Variants in CDH6 observed in about 807,000 individuals in gnomAD.
CDH6 encodes the protein cadherin 6.
A neutral mutation model predicts 78.0 loss-of-function variants in CDH6; 31 were observed. The observed-to-expected ratio is 0.40, with a 90% CI of 0.30 to 0.54. CDH6 has a LOEUF of 0.54. CDH6 is among the 20% of genes least tolerant of loss of function. The pLI, the probability that CDH6 is intolerant of heterozygous loss-of-function variation, is 0.56. For missense variants in CDH6, 724 were observed against 975.9 expected (o/e 0.74, Z 3.44); for synonymous variants, 376 against 368.8 (o/e 1.02, Z -0.23).
intron 1 of CDH6, among the ~76,000 whole-genome samples, chr5:31,247,312 T>A (rs950102901): frequency 6.6e-5 from 10 of 152,180 alleles, no homozygotes; most frequent in Admixed American, 2.6e-4. Flanking sequence ...CACTCCTCAG[T>A]TTAGAGGAGA....
chr5:31,230,406 A>C (rs1332793947), intron 1 of CDH6, among the ~76,000 whole-genome samples: 1 of 152,168 alleles, frequency 6.6e-6, no homozygotes, highest in Non-Finnish European at 1.5e-5. Context: ...CTTACTAGAA[A>C]AAGAGTCTCT....
intron 1 of CDH6, among the ~76,000 whole-genome samples, chr5:31,216,776 A>G (rs1740875497): frequency 6.6e-6 from 1 of 152,032 alleles, no homozygotes; most frequent in South Asian, 2.1e-4. Flanking sequence ...CATGAAAACC[A>G]AATAATAAAT....
intron 1 of CDH6, among the ~76,000 whole-genome samples, chr5:31,201,275 C>G (rs1184848298): frequency 6.6e-6 from 1 of 152,102 alleles, no homozygotes; most frequent in Non-Finnish European, 1.5e-5. Context: ...AATATTTTCC[C>G]TCAAAATATT....
At chr5:31,247,926 C>A (rs1741801595) in intron 1 of CDH6, among the ~76,000 whole-genome samples, 1 of 152,112 alleles carries the variant, frequency 6.6e-6, no homozygotes, top group South Asian at 2.1e-4. Flanking sequence ...GGCTCAACAA[C>A]CAAGAGCTGT....
At chr5:31,267,975 T>C (rs1158562764) in intron 2 of CDH6, among the ~76,000 whole-genome samples, 1 of 152,220 alleles carries the variant, frequency 6.6e-6, no homozygotes, top group African/African-American at 2.4e-5. Flanking sequence ...TAATTTTTAC[T>C]GTAGCTTAAA....
At chr5:31,199,318 G>C (rs1740256208) in intron 1 of CDH6, among the ~76,000 whole-genome samples, 1 of 149,850 alleles carries the variant, frequency 6.7e-6, no homozygotes, top group South Asian at 2.1e-4. Context: ...GAAAAGAGTT[G>C]ATAATATATG....
intron 1 of CDH6, among the ~76,000 whole-genome samples, chr5:31,232,634 A>G (rs1741344827): frequency 6.6e-6 from 1 of 152,260 alleles, no homozygotes; most frequent in Non-Finnish European, 1.5e-5. Flanking sequence ...AGTTCAAACA[A>G]GTTTGCAAAG....
chr5:31,305,695 T>A (rs925998371), intron 7 of CDH6, among the ~76,000 whole-genome samples: 1 of 152,162 alleles, frequency 6.6e-6, no homozygotes, highest in African/African-American at 2.4e-5. Context: ...GGAAGTTCCT[T>A]ATAGGAAATG....
intron 1 of CDH6, among the ~76,000 whole-genome samples, chr5:31,204,616 T>C (rs1029265640): frequency 4.9e-4 from 75 of 152,204 alleles, no homozygotes; most frequent in African/African-American, 1.5e-3. Context: ...TATGTTTGCT[T>C]CCCAATTTCT....
At chr5:31,200,721 G>C (rs961693001) in intron 1 of CDH6, among the ~76,000 whole-genome samples, 1 of 151,706 alleles carries the variant, frequency 6.6e-6, no homozygotes, top group African/African-American at 2.4e-5. Context: ...AGAGGAGTGA[G>C]GGAGAGAGGG....
In CDH6 at chr5:31,294,099, C is replaced by T. The variant is rs142005895; in HGVS notation, c.366C>T (p.Pro122=). The T allele has an allele frequency of 1.2e-5, 20 of 1,613,776 alleles. No homozygotes were observed. The highest frequency in any genetic ancestry group is 1.6e-4 in the Middle Eastern group (1 of 6,062). The change falls in exon 3 of 12, where the codon CCC becomes CCT. Residue 122 remains proline (P), a synonymous_variant. Transcript: ENST00000265071. This position sits in a 1 kb window ranked among gnomAD's most constrained non-coding sequence, Gnocchi z 4.1. ...AGAGGCTGGACAGGGAAGAAAAACC[C>T]GTTTACATCCTTCGAGCTCAAGCTA... is the stretch of plus-strand genomic sequence containing the variant. ...ATKRLDREEK[P]VYILRAQAIN...
chr5:31,261,976 C>T lies in CDH6; in HGVS notation c.-128-5370C>T, dbSNP rs563998665. ...GCGAATAAAAGTTGATTCCAAAGTA[C>T]ACTAGGGAACTTGAGGACATGCTAG... On this transcript the variant is annotated intron_variant, in intron 1 of 11. Transcript: ENST00000265071. Among the ~76,000 whole-genome samples the T allele has an allele frequency of 2.0e-5, 3 of 152,244 alleles. No individual in the cohort carries two copies. In the South Asian group the frequency reaches 6.2e-4, roughly 32 times the overall value.
chr5:31,290,366 G>T (rs1402010608), intron 2 of CDH6, among the ~76,000 whole-genome samples: 1 of 152,200 alleles, frequency 6.6e-6, no homozygotes, highest in East Asian at 1.9e-4. Context: ...TCTTACCAGC[G>T]ACAGGTGAGA....
chr5:31,219,118 G>T (rs1734954458), intron 1 of CDH6, among the ~76,000 whole-genome samples: 1 of 152,174 alleles, frequency 6.6e-6, no homozygotes, highest in South Asian at 2.1e-4. Flanking sequence ...ATAGAACAAA[G>T]ACTCAAACAC....
intron 1 of CDH6, among the ~76,000 whole-genome samples, chr5:31,255,636 C>T (rs913419370): frequency 7.9e-5 from 12 of 152,200 alleles, no homozygotes; most frequent in Non-Finnish European, 1.5e-4. Context: ...GGTCAGTTAA[C>T]ACAAACCTGA....
intron 2 of CDH6, among the ~76,000 whole-genome samples, chr5:31,284,385 AT>A (rs899408250): frequency 1.3e-5 from 2 of 152,232 alleles, no homozygotes; most frequent in Non-Finnish European, 2.9e-5. Context: ...ACAAAGACTT[AT>A]TTCTACTGCC....
intron 1 of CDH6, among the ~76,000 whole-genome samples, chr5:31,246,602 G>A (rs930102151): frequency 1.3e-5 from 2 of 152,172 alleles, no homozygotes; most frequent in Non-Finnish European, 2.9e-5. Context: ...GTGTGAAGGT[G>A]ACCCTAGAGC....
intron 2 of CDH6, among the ~76,000 whole-genome samples, chr5:31,284,817 T>G (rs1742970577): frequency 2.0e-5 from 3 of 152,224 alleles, no homozygotes; most frequent in Admixed American, 1.3e-4. Context: ...GAGGGCAGCA[T>G]GAGGACTATC....
At chr5:31,258,200 C>T (rs749689941) in intron 1 of CDH6, among the ~76,000 whole-genome samples, 8 of 152,152 alleles carry the variant, frequency 5.3e-5, no homozygotes, top group Non-Finnish European at 8.8e-5. Flanking sequence ...ATGTTTACTG[C>T]GGCACTGTTC....
Sources: allele counts gnomAD v4.1 joint callset (sites outside exome capture counted in the v4.1 genomes callset), GRCh38; gene constraint gnomAD v4.1.1; non-coding constraint Gnocchi (gnomAD v3.1); transcripts MANE v1.5; gene names NCBI Gene and HGNC (gene_info 2026-07-23, HGNC 2026-07-21).